TGFBR2: variants seen among roughly 807,000 people sequenced by gnomAD.
The protein encoded by TGFBR2 is transforming growth factor beta receptor 2, also known as TGF-beta receptor type-2.
A neutral mutation model predicts 49.0 loss-of-function variants in TGFBR2; 18 were observed. The ratio of observed to expected loss-of-function variants is 0.37; its 90% CI spans 0.25 to 0.54. The LOEUF is 0.54. Among genes scored for constraint, TGFBR2 ranks in the 20% least tolerant of loss-of-function variants. The pLI is 0.85. For missense variants in TGFBR2, 525 were observed against 722.6 expected (o/e 0.73, Z 3.13); for synonymous variants, 282 against 275.9 (o/e 1.02, Z -0.22).
chr3:30,623,334 G>A (rs2125454120), intron 1 of TGFBR2: 1 of 1,567,322 alleles, frequency 6.4e-7, no homozygotes, highest in East Asian at 2.2e-5. Context: ...CTCCCTCACT[G>A]CTTAATTTGT....
chr3:30,650,117 T>C (rs1418332803), intron 2 of TGFBR2, among the ~76,000 whole-genome samples, 153 bp from the exon 3 acceptor site: 1 of 152,188 alleles, frequency 6.6e-6, no homozygotes, highest in Non-Finnish European at 1.5e-5. Flanking sequence ...AGCCTGCGAA[T>C]GCTGGAGAAC....
chr3:30,610,896 T>TACACAC (rs1425538224), intron 1 of TGFBR2, among the ~76,000 whole-genome samples: 1 of 152,210 alleles, frequency 6.6e-6, no homozygotes, highest in Non-Finnish European at 1.5e-5. Context: ...TCACTACACA[T>TACACAC]ACACACAATG....
At chr3:30,656,444 A>G (rs3773634) in intron 3 of TGFBR2, among the ~76,000 whole-genome samples, 49,564 of 152,120 alleles carry the variant, frequency 0.33, 8,696 homozygotes, top group African/African-American at 0.45. Flanking sequence ...AATGTTTTCA[A>G]GATGCATTGT....
intron 3 of TGFBR2, among the ~76,000 whole-genome samples, chr3:30,655,010 T>C (rs146058288): frequency 5.3e-4 from 81 of 152,370 alleles, no homozygotes; most frequent in Non-Finnish European, 9.6e-4. Context: ...AGGCTTATTC[T>C]ACAGCTTATT....
At position 30,688,384 on chromosome 3, in the gene TGFBR2, A is replaced by T. The variant is rs1321865816; in HGVS notation, c.1397A>T (p.Glu466Val). The change falls in exon 6 of 7, where the codon GAA (glutamate) becomes GTA (valine). Residue 466 changes from glutamate (E) to valine (V), a missense_variant and splice_region_variant. This residue lies in a region of TGFBR2 where 104 missense variants were observed against 133.4 expected (regional missense o/e 0.78). Transcript: ENST00000295754. ...CTGTGTTTGCTGGCTTTCTTCACAG[A>T]AGTAAAAGATTATGAGCCTCCATTT... ...EMTSRCNAVGEVKDYEPPFGS... is the reference protein window; with the variant it reads ...EMTSRCNAVGVVKDYEPPFGS... The T allele has an allele frequency of 3.1e-6, 5 of 1,614,038 alleles. No individual in the cohort carries two copies. The Admixed American group carries it at 5.0e-5, about 16-fold the overall frequency.
chr3:30,613,266 G>GTCATTC, intron 1 of TGFBR2, among the ~76,000 whole-genome samples: 1 of 151,170 alleles, frequency 6.6e-6, no homozygotes, highest in Admixed American at 6.6e-5. Flanking sequence ...GTACTCTGCT[G>GTCATTC]TCATTCTTCT....
At chr3:30,625,365 G>A (rs1036556248) in intron 1 of TGFBR2, among the ~76,000 whole-genome samples, 16 of 152,186 alleles carry the variant, frequency 1.1e-4, no homozygotes, top group Non-Finnish European at 1.9e-4. Flanking sequence ...CTGATCTAAG[G>A]AACTATTTCC....
At chr3:30,637,887 T>G (rs1452677778) in intron 1 of TGFBR2, among the ~76,000 whole-genome samples, 1 of 152,268 alleles carries the variant, frequency 6.6e-6, no homozygotes, top group African/African-American at 2.4e-5. Flanking sequence ...CTATTTGCGT[T>G]TGCAGTGTTG....
rs765874634 is a variant in TGFBR2, at chr3:30,623,283, CATTA to C, written c.94+16313_94+16316del. 2.5e-6 allele frequency: 4 copies of C among 1,613,788 alleles called. No homozygotes were observed. In the South Asian group the frequency reaches 4.4e-5, roughly 18 times the overall value. ...CATCCACTGAGACATAGTAAAGTAT[CATTA>C]ATTAATCTTTTCATCATTTTTCTAT... On this transcript the variant is annotated intron_variant, in intron 1 of 6. Coordinates refer to ENST00000295754, the MANE Select transcript of TGFBR2 (RefSeq NM_003242.6).
At chr3:30,654,827 C>T (rs944332500) in intron 3 of TGFBR2, among the ~76,000 whole-genome samples, 1 of 152,164 alleles carries the variant, frequency 6.6e-6, no homozygotes, top group African/African-American at 2.4e-5. Context: ...TCTCACTGAA[C>T]CTGTAAGAAT....
At position 30,647,187 on chromosome 3, in the gene TGFBR2, C is replaced by T. The variant is rs182603063; in HGVS notation, c.263+2272C>T. ...TGGGAGCTGCCTCATTCACGTTGGACACTTTTCATGGGTAGCCATCATCCC... is the reference window on the plus strand; with the variant it reads ...TGGGAGCTGCCTCATTCACGTTGGATACTTTTCATGGGTAGCCATCATCCC... On this transcript the variant is annotated intron_variant, in intron 2 of 6. Coordinates refer to ENST00000295754, the MANE Select transcript of TGFBR2 (RefSeq NM_003242.6). Among the ~76,000 whole-genome samples the T allele has an allele frequency of 1.3e-3, 193 of 152,294 alleles. 1 individual carries two copies. Among genetic ancestry groups the T allele is most frequent in the African/African-American group, 4.3e-3 (179 of 41,556 alleles).
chr3:30,620,986 T>A (rs1405041534), intron 1 of TGFBR2, among the ~76,000 whole-genome samples: 1 of 152,100 alleles, frequency 6.6e-6, no homozygotes, highest in Non-Finnish European at 1.5e-5. Context: ...TTAATAGGAG[T>A]GGGTTTCTAA....
chr3:30,607,795 A>AT (rs1559444082), intron 1 of TGFBR2, among the ~76,000 whole-genome samples: 28 of 132,456 alleles, frequency 2.1e-4, no homozygotes, highest in African/African-American at 8.8e-4. Context: ...AATAAAAATA[A>AT]AAAAATATAT....
intron 3 of TGFBR2, among the ~76,000 whole-genome samples, chr3:30,658,266 G>T (rs1699045479): frequency 1.3e-5 from 2 of 152,150 alleles, no homozygotes; most frequent in African/African-American, 4.8e-5. Context: ...TAGCAAATAT[G>T]TACCTACACA....
At chr3:30,619,326 T>A (rs1215680333) in intron 1 of TGFBR2, among the ~76,000 whole-genome samples, 2 of 152,318 alleles carry the variant, frequency 1.3e-5, no homozygotes, top group African/African-American at 2.4e-5. Context: ...TCTTTCTCTG[T>A]CAATAACACA....
At chr3:30,660,825 A>G (rs914230056) in intron 3 of TGFBR2, among the ~76,000 whole-genome samples, 8 of 152,242 alleles carry the variant, frequency 5.3e-5, no homozygotes, top group African/African-American at 1.4e-4. Context: ...TAATGTGTCC[A>G]AAAGGTTGGA....
chr3:30,608,151 G>T (rs990715809), intron 1 of TGFBR2, among the ~76,000 whole-genome samples: 1 of 151,888 alleles, frequency 6.6e-6, no homozygotes, highest in Admixed American at 6.6e-5. Context: ...ATTGGCCAGG[G>T]TGGTCTCGAT....
At chr3:30,638,354 C>T (rs1698580935) in intron 1 of TGFBR2, among the ~76,000 whole-genome samples, 1 of 152,074 alleles carries the variant, frequency 6.6e-6, no homozygotes, top group Non-Finnish European at 1.5e-5. Context: ...ATTATTACTA[C>T]AAAAATATTT....
chr3:30,688,266 A>G (rs576982071), intron 5 of TGFBR2, 118 bp from the exon 6 acceptor site: 1 of 1,304,882 alleles, frequency 7.7e-7, no homozygotes, highest in South Asian at 1.2e-5. Context: ...TAGAGTAATT[A>G]CGTATGTATT....
Sources: allele counts gnomAD v4.1 joint callset (sites outside exome capture counted in the v4.1 genomes callset), GRCh38; gene constraint gnomAD v4.1.1; regional missense constraint gnomAD v4.1.1; transcripts MANE v1.5; gene names NCBI Gene and HGNC (gene_info 2026-07-23, HGNC 2026-07-21).